Variants in PTPDC1 observed in about 807,000 individuals in gnomAD.
The protein encoded by PTPDC1 is protein tyrosine phosphatase domain-containing protein 1.
A neutral mutation model predicts 75.3 loss-of-function variants in PTPDC1; 53 were observed. The observed-to-expected ratio is 0.70, with a 90% confidence interval of 0.56 to 0.88. The LOEUF (loss-of-function observed/expected upper bound fraction) is 0.88, where lower values mean the gene tolerates loss of function less well. PTPDC1 is among the 40% of genes least tolerant of loss of function. The pLI is 0.00. For synonymous variants in PTPDC1, 349 were observed against 366.2 expected, an observed-to-expected ratio of 0.95 and a Z score of 0.54; for missense variants, 925 against 998.6, an observed-to-expected ratio of 0.93 and a Z score of 0.99.
intron 1 of PTPDC1, among the ~76,000 whole-genome samples, chr9:94,048,883 G>A (rs1474066193): frequency 2.0e-5 from 3 of 152,146 alleles, no homozygotes; most frequent in Non-Finnish European, 4.4e-5. Context: ...ATGAATCTGG[G>A]TGCTCCTGTA....
chr9:94,072,585 A>G (rs1826548150), intron 2 of PTPDC1, among the ~76,000 whole-genome samples: 1 of 152,134 alleles, frequency 6.6e-6, no homozygotes, highest in East Asian at 1.9e-4. Context: ...AAGAGTCACA[A>G]GAGCAGAGTC....
chr9:94,089,590 AC>A (rs1827218614), intron 4 of PTPDC1, among the ~76,000 whole-genome samples: 1 of 143,772 alleles, frequency 7.0e-6, no homozygotes, highest in Non-Finnish European at 1.5e-5. Context: ...TTGGGTATAT[AC>A]CCAGTAATGG....
chr9:94,084,738 G>A lies in PTPDC1; in HGVS notation c.208G>A (p.Glu70Lys). ...MVAVSSVSHA[E>K]GNPTFPERKS... ...GGCTGTTTCCTCAGTCAGCCATGCAGAGGGAAACCCAACTTTCCCCGAAAG... is the reference window on the plus strand; with the variant it reads ...GGCTGTTTCCTCAGTCAGCCATGCAAAGGGAAACCCAACTTTCCCCGAAAG... Residue 70 changes from glutamate (E) to lysine (K), a missense_variant, in exon 1 of 9, where the codon GAG becomes AAG. Transcript: ENST00000620992. The A allele has an allele frequency of 6.3e-7, 1 of 1,594,750 alleles. No homozygotes were observed. The highest frequency in any genetic ancestry group is 8.5e-7 in the Non-Finnish European group (1 of 1,173,188).
At position 94,087,895 on chromosome 9, in the gene PTPDC1, A is replaced by G. The variant is rs1307291187; in HGVS notation, c.481A>G (p.Ile161Val). The change falls in exon 3 of 9, where the codon ATT (isoleucine) becomes GTT (valine). Residue 161 changes from isoleucine to valine, a missense_variant. By Grantham distance (29) the Ile-to-Val change is conservative. Coordinates refer to ENST00000620992, the MANE Select transcript of PTPDC1 (RefSeq NM_001253829.2). The part of the protein sequence containing the change: ...SSELLEKYHI[I>V]DQFLSHGIKT... ...TGAGCTCCTGGAGAAGTACCACATCATTGATCAGTTCCTCAGGTAAATGCT... is the reference window on the plus strand; with the variant it reads ...TGAGCTCCTGGAGAAGTACCACATCGTTGATCAGTTCCTCAGGTAAATGCT... The G allele has an allele frequency of 3.1e-6, 5 of 1,613,594 alleles. No individual in the cohort carries two copies. Among genetic ancestry groups the G allele is most frequent in the Non-Finnish European group, 8.5e-7 (1 of 1,179,558 alleles).
intron 1 of PTPDC1, among the ~76,000 whole-genome samples, chr9:94,063,955 A>C (rs932744255): frequency 2.6e-5 from 4 of 152,124 alleles, no homozygotes; most frequent in Admixed American, 2.6e-4. Flanking sequence ...TTTAGAAAAA[A>C]CGTTTGAATC....
upstream of PTPDC1, among the ~76,000 whole-genome samples, chr9:94,082,868 C>T (rs1297364511): frequency 6.6e-6 from 1 of 152,168 alleles, no homozygotes; most frequent in Non-Finnish European, 1.5e-5. Context: ...CCTTCCTTAG[C>T]TTGGTCCAAA....
intron 4 of PTPDC1, among the ~76,000 whole-genome samples, 177 bp downstream of exon 4, chr9:94,088,440 T>G (rs1827154236): frequency 6.6e-6 from 1 of 152,242 alleles, no homozygotes; most frequent in South Asian, 2.1e-4. Context: ...AAAGGATTTC[T>G]TTGTTCCTGT....
intron 6 of PTPDC1, among the ~76,000 whole-genome samples, chr9:94,099,516 T>C (rs10993052): frequency 0.42 from 64,050 of 152,094 alleles, 13,724 homozygotes; most frequent in Admixed American, 0.53. Context: ...GCATGAAAAT[T>C]AAGTTTGGAG....
Position 94,089,347 on chromosome 9 carries a change from C to T in PTPDC1, c.616+1084C>T, listed in dbSNP as rs561203878. On this transcript the variant is annotated intron_variant, in intron 4 of 8. Coordinates refer to ENST00000620992, the MANE Select transcript of PTPDC1 (RefSeq NM_001253829.2). ...ATGCGGTGTTTGCTTTTTGTTCTTG[C>T]GATAGTTTACTGAGAATGATGATTT... is the stretch of plus-strand genomic sequence containing the variant. Among the ~76,000 whole-genome samples the T allele has an allele frequency of 2.3e-3, 348 of 149,922 alleles. 2 individuals carry two copies. Among genetic ancestry groups the T allele is most frequent in the African/African-American group, 7.9e-3 (323 of 40,674 alleles).
chr9:94,090,924 T>C (rs1160361302), intron 4 of PTPDC1, among the ~76,000 whole-genome samples: 1 of 151,896 alleles, frequency 6.6e-6, no homozygotes, highest in Non-Finnish European at 1.5e-5. Context: ...TTTTGTACAT[T>C]GATTTTGTAT....
At chr9:94,041,940 G>T (rs1374183901) in intron 1 of PTPDC1, among the ~76,000 whole-genome samples, 1 of 152,164 alleles carries the variant, frequency 6.6e-6, no homozygotes, top group Non-Finnish European at 1.5e-5. Flanking sequence ...GGAACTATAT[G>T]TATGTATATT....
chr9:94,041,953 T>C (rs7033898), intron 1 of PTPDC1, among the ~76,000 whole-genome samples: 96,904 of 152,080 alleles, frequency 0.64, 32,463 homozygotes, highest in African/African-American at 0.84. Context: ...TGTATATTAA[T>C]CTGTGTATGC....
At chr9:94,044,726 C>CTTTTTTTTTTTT (rs71511684) in intron 1 of PTPDC1, among the ~76,000 whole-genome samples, 1 of 147,338 alleles carries the variant, frequency 6.8e-6, no homozygotes, top group Non-Finnish European at 1.5e-5. Context: ...ATACCTTTCT[C>CTTTTTTTTTTTT]TTTTTTTTTT....
intron 2 of PTPDC1, among the ~76,000 whole-genome samples, chr9:94,069,270 G>T (rs1826428093): frequency 6.6e-6 from 1 of 152,084 alleles, no homozygotes; most frequent in Admixed American, 6.6e-5. Flanking sequence ...ACAGGGGATT[G>T]GTTCCAGGAC....
At chr9:94,057,993 G>T (rs1405364934) in intron 1 of PTPDC1, among the ~76,000 whole-genome samples, 1 of 152,202 alleles carries the variant, frequency 6.6e-6, no homozygotes, top group East Asian at 1.9e-4. Context: ...ATTTTGGAAA[G>T]AAAGCAGCTG....
At position 94,092,190 on chromosome 9, in the gene PTPDC1, G is replaced by A. The variant is rs1411133358; in HGVS notation, c.617-3127G>A. On this transcript the variant is annotated intron_variant, in intron 4 of 8. Transcript: ENST00000620992. ...ATTGTGATGTTAGGTTGTCAATTTT[G>A]GATCTTTCCTGCTTTCTCTTGTGGG... 1.5e-4 allele frequency among the ~76,000 whole-genome samples: 22 copies of A among 150,606 alleles called. 2 individuals are homozygous for A. The highest frequency in any genetic ancestry group is 4.9e-4 in the African/African-American group (20 of 40,556).
chr9:94,095,259 T>C (rs1827515854), intron 4 of PTPDC1, 58 bp from the exon 5 acceptor site: 10 of 1,272,420 alleles, frequency 7.9e-6, no homozygotes, highest in Non-Finnish European at 1.1e-5. Context: ...TTCATTAGTG[T>C]TTGTACTTTC....
At chr9:94,057,793 G>T (rs1327072381) in intron 1 of PTPDC1, among the ~76,000 whole-genome samples, 2 of 152,150 alleles carry the variant, frequency 1.3e-5, no homozygotes, top group Non-Finnish European at 2.9e-5. Context: ...ATAAATGAAT[G>T]TTTTTATGCA....
chr9:94,076,475 A>G (rs944940488), intron 2 of PTPDC1, among the ~76,000 whole-genome samples: 2 of 152,214 alleles, frequency 1.3e-5, no homozygotes, highest in African/African-American at 2.4e-5. Context: ...TTCACTTAGC[A>G]TAATGTTTTC....
Sources: allele counts gnomAD v4.1 joint callset (sites outside exome capture counted in the v4.1 genomes callset), GRCh38; gene constraint gnomAD v4.1.1; transcripts MANE v1.5; gene names NCBI Gene and HGNC (gene_info 2026-07-23, HGNC 2026-07-21).